KSR2: variants seen among roughly 807,000 people sequenced by gnomAD.
KSR2 encodes kinase suppressor of ras 2.
A neutral mutation model predicts 107.8 loss-of-function variants in KSR2; 25 were observed. That is an observed-to-expected ratio of 0.23 (90% CI 0.17 to 0.32). The LOEUF (loss-of-function observed/expected upper bound fraction) is 0.32, where lower values mean the gene tolerates loss of function less well. Among genes scored for constraint, KSR2 ranks in the 10% least tolerant of loss-of-function variants. KSR2 has a pLI of 1.00. For missense variants in KSR2, 887 were observed against 1,268.9 expected (o/e 0.70, Z 4.57); for synonymous variants, 480 against 507.0 (o/e 0.95, Z 0.71).
chr12:117,798,387 C>A (rs1890708661), intron 3 of KSR2, among the ~76,000 whole-genome samples: 1 of 152,220 alleles, frequency 6.6e-6, no homozygotes. Flanking sequence ...CATCCCAGCA[C>A]TTTGGGAGGC....
chr12:117,528,150 G>A (rs888468973), intron 12 of KSR2, among the ~76,000 whole-genome samples: 1 of 152,106 alleles, frequency 6.6e-6, no homozygotes, highest in Admixed American at 6.5e-5. Context: ...TGTGAGTTGG[G>A]TGTACACACA....
At chr12:117,547,109 T>A (rs1158691844) in intron 9 of KSR2, among the ~76,000 whole-genome samples, 3 of 152,238 alleles carry the variant, frequency 2.0e-5, no homozygotes, top group Admixed American at 2.0e-4. Context: ...AGACTTTGGA[T>A]GTTATTTAAA....
At chr12:117,526,605 G>A (rs1205743851) in intron 13 of KSR2, among the ~76,000 whole-genome samples, 3 of 152,206 alleles carry the variant, frequency 2.0e-5, no homozygotes, top group African/African-American at 7.2e-5. Context: ...CAGAGCAGTT[G>A]CAGAGCTGAG....
In KSR2 at chr12:117,558,584, T is replaced by C. The variant is rs374121864; in HGVS notation, c.1326-11A>G. ...TTGTGGCACTTTAACCTGAGAAAGA[T>C]AAAGAGAGAGAAAGATGGATAGGTG... On this transcript the variant is annotated splice_polypyrimidine_tract_variant and intron_variant, in intron 7 of 19. Coordinates refer to ENST00000339824, the MANE Select transcript of KSR2 (RefSeq NM_173598.6). 6.2e-7 allele frequency: 1 copy of C among 1,611,302 alleles called. No homozygotes were observed.
chr12:117,558,491 G>A lies in KSR2; in HGVS notation c.1393+15C>T. On this transcript the variant is annotated intron_variant, in intron 8 of 19. Transcript: ENST00000339824. ...CTCACCCCTGCCCCTAGGGCAGTAA[G>A]TGTTAAATAGTTACCTCCTCGGTGG... 6.2e-7 allele frequency: 1 copy of A among 1,612,336 alleles called. No homozygotes were observed. Among genetic ancestry groups the A allele is most frequent in the Non-Finnish European group, 8.5e-7 (1 of 1,178,398 alleles).
At chr12:117,702,891 T>C (rs1173976198) in intron 4 of KSR2, among the ~76,000 whole-genome samples, 1 of 152,190 alleles carries the variant, frequency 6.6e-6, no homozygotes, top group Non-Finnish European at 1.5e-5. Context: ...TATTACATGT[T>C]TGGGCCATTT....
intron 3 of KSR2, among the ~76,000 whole-genome samples, chr12:117,774,259 G>A (rs1427669235): frequency 1.3e-5 from 2 of 152,166 alleles, no homozygotes; most frequent in South Asian, 2.1e-4. Flanking sequence ...CGAAAATCCA[G>A]GAAAATTTTT....
At chr12:117,955,033 AT>A (rs568311971) in intron 1 of KSR2, among the ~76,000 whole-genome samples, 17 of 147,136 alleles carry the variant, frequency 1.2e-4, no homozygotes, top group Admixed American at 3.4e-4. Flanking sequence ...AAAAAAAAAA[AT>A]TTGCCATGTA....
intron 10 of KSR2, among the ~76,000 whole-genome samples, chr12:117,536,325 G>A (rs566959611): frequency 6.6e-6 from 1 of 152,194 alleles, no homozygotes; most frequent in Non-Finnish European, 1.5e-5. Flanking sequence ...GTACAAACAC[G>A]ACAGGTACTC....
In KSR2 at chr12:117,907,424, G is replaced by A. The variant is rs898166452; in HGVS notation, c.181-46993C>T. Reference sequence around the variant, plus strand: ...GTCTGCGTGCTCAAGACGACGCTCAGCAGGTATCTCAGGTGAGATCTGGTT... The same window carrying A: ...GTCTGCGTGCTCAAGACGACGCTCAACAGGTATCTCAGGTGAGATCTGGTT... On this transcript the variant is annotated intron_variant, in intron 1 of 19. Transcript: ENST00000339824. This position sits in a 1 kb window ranked among gnomAD's most constrained non-coding sequence, Gnocchi z 4.3. 5.9e-5 allele frequency among the ~76,000 whole-genome samples: 9 copies of A among 152,212 alleles called. No individual in the cohort carries two copies. Among genetic ancestry groups the A allele is most frequent in the African/African-American group, 1.9e-4 (8 of 41,460 alleles).
chr12:117,822,202 T>C (rs1343594628), intron 3 of KSR2, among the ~76,000 whole-genome samples: 1 of 152,162 alleles, frequency 6.6e-6, no homozygotes, highest in African/African-American at 2.4e-5. Flanking sequence ...GAAATAACCA[T>C]AAAAATGGGC....
chr12:117,585,239 TC>T (rs1219427174), intron 5 of KSR2, among the ~76,000 whole-genome samples: 1 of 151,988 alleles, frequency 6.6e-6, no homozygotes. Context: ...TCTAGCCAAC[TC>T]CCTCCCTTAT....
At chr12:117,845,145 C>A (rs1299140703) in intron 3 of KSR2, among the ~76,000 whole-genome samples, 1 of 152,108 alleles carries the variant, frequency 6.6e-6, no homozygotes, top group Non-Finnish European at 1.5e-5. Context: ...GACTCCAACT[C>A]AAAAACAAAA....
intron 9 of KSR2, among the ~76,000 whole-genome samples, chr12:117,549,494 C>T (rs1425486067): frequency 6.6e-6 from 1 of 152,140 alleles, no homozygotes; most frequent in African/African-American, 2.4e-5. Context: ...GCTTATCTGT[C>T]TCATCCTCTA....
At chr12:117,840,773 T>C (rs554396996) in intron 3 of KSR2, among the ~76,000 whole-genome samples, 1 of 149,670 alleles carries the variant, frequency 6.7e-6, no homozygotes, top group Middle Eastern at 3.2e-3. Flanking sequence ...GAGGCCGAGG[T>C]GGGCGAATCA....
intron 14 of KSR2, among the ~76,000 whole-genome samples, chr12:117,519,799 C>CGT (rs377688920): frequency 3.3e-5 from 5 of 151,314 alleles, no homozygotes; most frequent in African/African-American, 1.2e-4. Context: ...TGTGTGTGCA[C>CGT]GTGTGTGTGT....
At chr12:117,484,266 C>T in intron 16 of KSR2, 150 bp downstream of exon 16, 4 of 820,994 alleles carry the variant, frequency 4.9e-6, no homozygotes, top group Non-Finnish European at 7.6e-6. Flanking sequence ...AGGGCCTTGG[C>T]ATCCCACATC....
chr12:117,948,563 AG>A (rs1896266479), intron 1 of KSR2, among the ~76,000 whole-genome samples: 1 of 152,206 alleles, frequency 6.6e-6, no homozygotes, highest in Non-Finnish European at 1.5e-5. Flanking sequence ...ATACACACAT[AG>A]ATCAGTGGGA....
chr12:117,956,017 G>A (rs1896500969), intron 1 of KSR2, among the ~76,000 whole-genome samples: 1 of 151,052 alleles, frequency 6.6e-6, no homozygotes, highest in South Asian at 2.1e-4. Flanking sequence ...TTGGGAGGCC[G>A]AGACGGGCGG....
Sources: allele counts gnomAD v4.1 joint callset (sites outside exome capture counted in the v4.1 genomes callset), GRCh38; gene constraint gnomAD v4.1.1; non-coding constraint Gnocchi (gnomAD v3.1); transcripts MANE v1.5; gene names NCBI Gene and HGNC (gene_info 2026-07-23, HGNC 2026-07-21).